Variants in SCAND3 observed in about 807,000 individuals in gnomAD.
The protein encoded by SCAND3 is SCAN domain containing 3, also known as SCAN domain-containing protein 3.
At chr6:28,585,326 A>G in the SCAND3 span, 8 of 152,352 alleles carry the variant, frequency 5.3e-5, no homozygotes, top group African/African-American at 1.9e-4. Context: ...AAAAAACTTT[A>G]GCAAAAAATA....
the SCAND3 span, chr6:28,575,665 G>A: frequency 1.2e-6 from 2 of 1,613,964 alleles, no homozygotes; most frequent in Admixed American, 1.7e-5. The surrounding 1 kb of genome is among the most constrained non-coding windows in gnomAD (Gnocchi z 4.2). Flanking sequence ...TTTACAGAGG[G>A]TCAGATACAG....
chr6:28,599,776 G>A, the SCAND3 span, among the ~76,000 whole-genome samples: 1 of 152,110 alleles, frequency 6.6e-6, no homozygotes, highest in Non-Finnish European at 1.5e-5. Context: ...GACTAATACA[G>A]TTGTCAAAAT....
chr6:28,575,112 C>G, the SCAND3 span: 2 of 1,614,160 alleles, frequency 1.2e-6, no homozygotes, highest in African/African-American at 1.3e-5. This position sits in a 1 kb window ranked among gnomAD's most constrained non-coding sequence, Gnocchi z 4.2. Context: ...GAGAATGGGA[C>G]AAGCCCAGTT....
At chr6:28,602,233 G>A in the SCAND3 span, among the ~76,000 whole-genome samples, 2 of 151,810 alleles carry the variant, frequency 1.3e-5, no homozygotes, top group African/African-American at 4.8e-5. Context: ...TTTTTGACAC[G>A]GAATCTTGCT....
chr6:28,572,534 T>C, the SCAND3 span: 6 of 1,613,980 alleles, frequency 3.7e-6, no homozygotes, highest in Non-Finnish European at 5.1e-6. This position sits in a 1 kb window ranked among gnomAD's most constrained non-coding sequence, Gnocchi z 4.1. Flanking sequence ...TTCCCTTGCA[T>C]AGAAGCATTA....
the SCAND3 span, chr6:28,572,117 G>T: frequency 6.2e-7 from 1 of 1,614,024 alleles, no homozygotes; most frequent in Non-Finnish European, 8.5e-7. The surrounding 1 kb of genome is among the most constrained non-coding windows in gnomAD (Gnocchi z 4.1). Flanking sequence ...GCAAGCTCAG[G>T]ATAGTCATTT....
At chr6:28,606,442 A>G in the SCAND3 span, among the ~76,000 whole-genome samples, 1 of 152,184 alleles carries the variant, frequency 6.6e-6, no homozygotes, top group East Asian at 1.9e-4. Flanking sequence ...TCATTGCTCC[A>G]TGGTTTCCTA....
At chr6:28,586,346 C>T in the SCAND3 span, 1 of 1,613,476 alleles carries the variant, frequency 6.2e-7, no homozygotes, top group Non-Finnish European at 8.5e-7. The surrounding 1 kb of genome is among the most constrained non-coding windows in gnomAD (Gnocchi z 4.4). Context: ...CCAGCAAAGT[C>T]ACCACCTCTT....
chr6:28,615,960 G>A, the SCAND3 span: 1 of 152,198 alleles, frequency 6.6e-6, no homozygotes, highest in Non-Finnish European at 1.5e-5. Context: ...TACATCTGGA[G>A]GGGCTAGATG....
the SCAND3 span, chr6:28,590,066 C>T: frequency 6.6e-6 from 1 of 152,202 alleles, no homozygotes; most frequent in East Asian, 1.9e-4. Flanking sequence ...GTATCCACGG[C>T]GTCGAGTCTT....
At chr6:28,598,369 TTTTTG>T in the SCAND3 span, among the ~76,000 whole-genome samples, 15 of 152,158 alleles carry the variant, frequency 9.9e-5, no homozygotes, top group African/African-American at 3.1e-4. Flanking sequence ...GGTGTTTTTG[TTTTTG>T]TTTTGTTTTG....
At chr6:28,602,455 G>A in the SCAND3 span, among the ~76,000 whole-genome samples, 1 of 152,144 alleles carries the variant, frequency 6.6e-6, no homozygotes, top group African/African-American at 2.4e-5. Context: ...TGATTTGCCC[G>A]CCTCAGCCTC....
the SCAND3 span, chr6:28,589,383 C>T: frequency 1.3e-5 from 2 of 151,956 alleles, no homozygotes; most frequent in African/African-American, 2.4e-5. Flanking sequence ...GTGGTTGGTC[C>T]CATGGTGTAA....
At chr6:28,597,432 C>T in the SCAND3 span, among the ~76,000 whole-genome samples, 68 of 152,048 alleles carry the variant, frequency 4.5e-4, no homozygotes, top group South Asian at 6.7e-3. Flanking sequence ...ACATGCTAAG[C>T]GTGGCAAAGT....
At chr6:28,589,438 C>G in the SCAND3 span, 1 of 152,170 alleles carries the variant, frequency 6.6e-6, no homozygotes, top group Admixed American at 6.5e-5. Flanking sequence ...GAGTTCGAAT[C>G]TCGGTGGGAC....
chr6:28,589,164 A>T, the SCAND3 span: 1 of 152,184 alleles, frequency 6.6e-6, no homozygotes, highest in East Asian at 1.9e-4. Context: ...TCTGGAAGCT[A>T]ATTTATGCTC....
the SCAND3 span, chr6:28,590,172 C>T: frequency 4.6e-5 from 7 of 152,346 alleles, no homozygotes; most frequent in Non-Finnish European, 8.8e-5. Context: ...GTGGAGGGGC[C>T]CTACAACTTG....
chr6:28,575,816 T>C, the SCAND3 span: 1 of 1,614,084 alleles, frequency 6.2e-7, no homozygotes, highest in Non-Finnish European at 8.5e-7. The surrounding 1 kb of genome is among the most constrained non-coding windows in gnomAD (Gnocchi z 4.2). Context: ...TACCGTATTT[T>C]ATCTGTTTCC....
chr6:28,572,929 A>C, the SCAND3 span: 1 of 1,614,070 alleles, frequency 6.2e-7, no homozygotes, highest in African/African-American at 1.3e-5. This position sits in a 1 kb window ranked among gnomAD's most constrained non-coding sequence, Gnocchi z 4.1. Context: ...AAGTTCCTTA[A>C]TCTGGGTTAC....
Sources: gnomAD v4.1 joint callset for allele counts (sites outside exome capture counted in the v4.1 genomes callset) on GRCh38, gnomAD v4.1.1 for gene constraint, Gnocchi (gnomAD v3.1) non-coding constraint, MANE v1.5 for transcripts, NCBI Gene and HGNC (gene_info 2026-07-23, HGNC 2026-07-21) for gene names.